C2CD3: variants seen among roughly 807,000 people sequenced by gnomAD.
The protein encoded by C2CD3 is C2 domain-containing protein 3.
In C2CD3, 148 loss-of-function variants were observed where a neutral mutation model predicts 234.0. That is an observed-to-expected ratio of 0.63 (90% CI 0.55 to 0.72). C2CD3 has a LOEUF of 0.72. Ranked by LOEUF, C2CD3 falls within the 30% of genes least tolerant of loss-of-function variation. The probability of loss-of-function intolerance (pLI) is 0.00; values close to 1 mark genes in which losing one functional copy is unlikely to be tolerated. For missense variants in C2CD3, 2,577 were observed against 2,811.5 expected (o/e 0.92, Z 1.89); for synonymous variants, 1,000 against 1,035.4 (o/e 0.97, Z 0.66).
At chr11:74,099,895 CAAA>C (rs370465812) in intron 15 of C2CD3, among the ~76,000 whole-genome samples, 8 of 91,936 alleles carry the variant, frequency 8.7e-5, no homozygotes, top group Admixed American at 1.3e-4. Flanking sequence ...GACTCCGTCT[CAAA>C]AAAAAAAAAA....
intron 32 of C2CD3, among the ~76,000 whole-genome samples, chr11:74,018,761 T>G (rs1229060290): frequency 6.6e-6 from 1 of 152,212 alleles, no homozygotes; most frequent in African/African-American, 2.4e-5. Context: ...GCACTTAGAC[T>G]AGAGGCCCAG....
In C2CD3 at chr11:74,049,431, C is replaced by T. The variant is rs150291837; in HGVS notation, c.5267G>A (p.Gly1756Glu). ...AGGGGAGACAGCAACTTTTATCTGC[C>T]CCTGGCACTCTCCACTGAAGTCTGT... is the stretch of plus-strand genomic sequence containing the variant. ...NITDFSGECQ[G>E]QIKVAVSPLE... is the part of the protein sequence containing the mutation. The change falls in exon 27 of 33, where the codon GGG (glycine) becomes GAG (glutamate). Residue 1756 changes from glycine to glutamate, a missense_variant. Coordinates refer to ENST00000334126, the MANE Select transcript of C2CD3 (RefSeq NM_001286577.2). 26 of 1,613,846 alleles carry T rather than the reference C, an allele frequency of 1.6e-5. No homozygotes were observed. The highest frequency in any genetic ancestry group is 4.0e-5 in the African/African-American group (3 of 74,886).
At chr11:74,084,468 G>T (rs541026497) in intron 22 of C2CD3, among the ~76,000 whole-genome samples, 1 of 151,904 alleles carries the variant, frequency 6.6e-6, no homozygotes, top group African/African-American at 2.4e-5. Context: ...AAGAAACGGG[G>T]TTTCACCATG....
At chr11:74,152,708 T>C (rs967605690) in intron 3 of C2CD3, among the ~76,000 whole-genome samples, 4 of 152,266 alleles carry the variant, frequency 2.6e-5, no homozygotes, top group African/African-American at 7.2e-5. Context: ...GTAAGACTGA[T>C]GGTCTGGTTT....
At chr11:74,155,190 A>G (rs1205891133) in intron 3 of C2CD3, among the ~76,000 whole-genome samples, 1 of 152,242 alleles carries the variant, frequency 6.6e-6, no homozygotes, top group Non-Finnish European at 1.5e-5. Context: ...CTCCTCAGTC[A>G]TTCAAAATTT....
chr11:74,049,079 G>A (rs974498818), intron 27 of C2CD3, among the ~76,000 whole-genome samples: 8 of 152,104 alleles, frequency 5.3e-5, no homozygotes, highest in African/African-American at 1.7e-4. Flanking sequence ...TGGAAACTGC[G>A]ATATAATTAA....
Position 74,042,019 on chromosome 11 carries a change from A to G in C2CD3, c.5660+35T>C, listed in dbSNP as rs200526231. The G allele has an allele frequency of 8.1e-6, 13 of 1,608,022 alleles. No individual in the cohort carries two copies. In the African/African-American group the frequency reaches 1.5e-4, roughly 18 times the overall value. On this transcript the variant is annotated intron_variant, in intron 29 of 32. Coordinates refer to ENST00000334126, the MANE Select transcript of C2CD3 (RefSeq NM_001286577.2). ...TTTCTCATTCACCTTGTGCCCCACT[A>G]TGGTTTCCTGTGTCTTTTCTCAGTA...
chr11:74,097,043 G>A (rs1236211278), intron 16 of C2CD3, among the ~76,000 whole-genome samples: 1 of 151,846 alleles, frequency 6.6e-6, no homozygotes, highest in South Asian at 2.1e-4. Context: ...CAGCTACCCG[G>A]GAGGCCAAGG....
chr11:74,097,338 T>TA (rs1398990998), intron 16 of C2CD3, among the ~76,000 whole-genome samples: 1 of 152,164 alleles, frequency 6.6e-6, no homozygotes, highest in Non-Finnish European at 1.5e-5. Flanking sequence ...GATTTGGCTG[T>TA]ACTAGTAAAG....
chr11:74,164,328 T>C (rs1856670084), intron 2 of C2CD3: 5 of 706,106 alleles, frequency 7.1e-6, no homozygotes, highest in Non-Finnish European at 8.7e-6. Flanking sequence ...CTCCAAACAT[T>C]TTCATGGCTG....
At chr11:74,029,699 T>A (rs541684981) in intron 31 of C2CD3, among the ~76,000 whole-genome samples, 4 of 152,232 alleles carry the variant, frequency 2.6e-5, no homozygotes, top group African/African-American at 9.6e-5. Context: ...CCCAGCCCAT[T>A]GCCTCATGTG....
chr11:74,165,039 C>T (rs1249896804), intron 2 of C2CD3, among the ~76,000 whole-genome samples: 1 of 151,964 alleles, frequency 6.6e-6, no homozygotes, highest in Non-Finnish European at 1.5e-5. Context: ...TCGCTGCACT[C>T]CAGCCCGGCT....
intron 13 of C2CD3, among the ~76,000 whole-genome samples, chr11:74,105,533 A>G (rs1956485211): frequency 6.6e-6 from 1 of 152,126 alleles, no homozygotes; most frequent in Admixed American, 6.5e-5. Flanking sequence ...GGCTTCCCAA[A>G]GTGCTGGGAT....
Position 74,103,191 on chromosome 11 carries a change from C to G in C2CD3, c.2520G>C (p.Glu840Asp). The change falls in exon 14 of 33, where the codon GAG (glutamate) becomes GAC (aspartate). Residue 840 changes from glutamate (E) to aspartate (D), a missense_variant. Transcript: ENST00000334126. ...VYLNCKLFST[E>D]EVTRSVIAWG... ...ATGCGATGACAGATCTGGTGACTTC[C>G]TCTGTGCTGAAGAGTTTACAATTTA... The G allele has an allele frequency of 1.2e-6, 2 of 1,614,154 alleles. No homozygotes were observed. Among genetic ancestry groups the G allele is most frequent in the Non-Finnish European group, 1.7e-6 (2 of 1,179,990 alleles).
intron 24 of C2CD3, among the ~76,000 whole-genome samples, chr11:74,061,994 C>A (rs1310427718): frequency 6.6e-6 from 1 of 152,060 alleles, no homozygotes; most frequent in Non-Finnish European, 1.5e-5. Flanking sequence ...ATAAAACAGA[C>A]TTTAAACCAA....
At chr11:74,117,520 A>G (rs960060400) in intron 9 of C2CD3, among the ~76,000 whole-genome samples, 2 of 151,540 alleles carry the variant, frequency 1.3e-5, no homozygotes, top group Non-Finnish European at 2.9e-5. Context: ...GTTCTCACTC[A>G]TAAGTGGAAG....
intron 3 of C2CD3, among the ~76,000 whole-genome samples, chr11:74,146,106 T>C (rs1855168581): frequency 6.6e-6 from 1 of 152,176 alleles, no homozygotes. Context: ...AAACAGAAAG[T>C]ACACATTTAA....
chr11:74,037,400 G>A (rs1369439265), intron 30 of C2CD3, 78 bp downstream of exon 30: 6 of 1,134,160 alleles, frequency 5.3e-6, no homozygotes, highest in African/African-American at 1.5e-5. Flanking sequence ...GGGCTTGTCC[G>A]AAGGAACACA....
At chr11:74,117,769 C>T (rs1279032120) in intron 9 of C2CD3, among the ~76,000 whole-genome samples, 2 of 151,904 alleles carry the variant, frequency 1.3e-5, no homozygotes, top group African/African-American at 2.4e-5. Flanking sequence ...CAAAATTAGT[C>T]GGGCATGGGG....
Sources: gnomAD v4.1 joint callset for allele counts (sites outside exome capture counted in the v4.1 genomes callset) on GRCh38, gnomAD v4.1.1 for gene constraint, MANE v1.5 for transcripts, NCBI Gene and HGNC (gene_info 2026-07-23, HGNC 2026-07-21) for gene names.